The following SAR1B variants were observed in gnomAD, a reference collection of about 807,000 sequenced individuals.
SAR1B encodes small COPII coat GTPase SAR1B.
In SAR1B, 23 loss-of-function variants were observed where a neutral mutation model predicts 26.8. The observed-to-expected ratio is 0.86, with a 90% CI of 0.62 to 1.22. The LOEUF is 1.22. Among genes scored for constraint, SAR1B ranks in the 50% most tolerant of loss-of-function variants. The pLI is 0.00. For missense variants in SAR1B, 196 were observed against 232.8 expected, an observed-to-expected ratio of 0.84 and a Z score of 1.03; for synonymous variants, 65 against 80.8, an observed-to-expected ratio of 0.80 and a Z score of 1.05.
At chr5:134,622,919 C>T (rs1333195432) in intron 2 of SAR1B, among the ~76,000 whole-genome samples, 3 of 147,534 alleles carry the variant, frequency 2.0e-5, no homozygotes, top group Non-Finnish European at 4.5e-5. Context: ...GTCAGGAGTT[C>T]GAGACCAGAT....
intron 2 of SAR1B, among the ~76,000 whole-genome samples, chr5:134,622,299 A>G (rs1194965400): frequency 6.6e-6 from 1 of 152,144 alleles, no homozygotes; most frequent in Non-Finnish European, 1.5e-5. Context: ...TGTCACTACT[A>G]TGAGTGTCAC....
At chr5:134,630,027 C>A (rs1440592087) in intron 1 of SAR1B, among the ~76,000 whole-genome samples, 1 of 152,050 alleles carries the variant, frequency 6.6e-6, no homozygotes, top group East Asian at 1.9e-4. Context: ...CTTTAGGAGG[C>A]CAAGGCAGGC....
intron 1 of SAR1B, among the ~76,000 whole-genome samples, chr5:134,628,607 G>C (rs1765539868): frequency 6.6e-6 from 1 of 151,982 alleles, no homozygotes; most frequent in Non-Finnish European, 1.5e-5. Context: ...CCTGAGACCA[G>C]GAGTTAAAGA....
At chr5:134,615,115 G>A (rs1052524075) in intron 3 of SAR1B, among the ~76,000 whole-genome samples, 6 of 152,132 alleles carry the variant, frequency 3.9e-5, no homozygotes, top group Non-Finnish European at 8.8e-5. Flanking sequence ...TTGGGAGGCC[G>A]AGATGGGCAG....
At chr5:134,611,573 T>G (rs550026260) in intron 4 of SAR1B, among the ~76,000 whole-genome samples, 1 of 152,010 alleles carries the variant, frequency 6.6e-6, no homozygotes, top group Non-Finnish European at 1.5e-5. Flanking sequence ...AAATTTTTTT[T>G]AATTAAAACA....
In SAR1B at chr5:134,612,571, GGAGGCA is replaced by G. The variant is rs371985290; in HGVS notation, c.244+114_244+119del. 2.1e-3 allele frequency: 2,045 copies of G among 983,990 alleles called. 9 individuals are homozygous for G. Among genetic ancestry groups the G allele is most frequent in the Non-Finnish European group, 1.7e-3 (1,189 of 705,142 alleles). 61.0% of individuals were successfully genotyped at this position (983,990 alleles called of 1,614,324 possible). Reference sequence around the variant, plus strand: ...GAGGCATGAGGATTGCTTGAACCCAGGAGGCAGAGGTTGCAGTGAGCTGAGATTGCA... The same window carrying G: ...GAGGCATGAGGATTGCTTGAACCCAGGAGGTTGCAGTGAGCTGAGATTGCA... On this transcript the variant is annotated intron_variant, in intron 4 of 6. Coordinates refer to ENST00000402673, the MANE Select transcript of SAR1B (RefSeq NM_016103.4).
intron 3 of SAR1B, among the ~76,000 whole-genome samples, chr5:134,615,208 T>C (rs1039698567): frequency 6.6e-6 from 1 of 151,008 alleles, no homozygotes; most frequent in Admixed American, 6.6e-5. Flanking sequence ...ATTAGCTGGG[T>C]GCAGCGGCAG....
chr5:134,619,939 C>A (rs1765377324), intron 3 of SAR1B, among the ~76,000 whole-genome samples: 1 of 151,886 alleles, frequency 6.6e-6, no homozygotes, highest in African/African-American at 2.4e-5. Context: ...TATGATCATA[C>A]CACGGCACTC....
At chr5:134,628,459 A>G (rs1486888396) in intron 1 of SAR1B, among the ~76,000 whole-genome samples, 1 of 152,122 alleles carries the variant, frequency 6.6e-6, no homozygotes, top group South Asian at 2.1e-4. Flanking sequence ...CAATGCACTA[A>G]TAACTTTGGG....
intron 3 of SAR1B, among the ~76,000 whole-genome samples, chr5:134,616,389 A>G (rs1463717667): frequency 6.6e-6 from 1 of 150,508 alleles, no homozygotes; most frequent in East Asian, 2.0e-4. Context: ...GTGAGCTGAG[A>G]TCATACCATT....
At chr5:134,623,891 G>T in intron 2 of SAR1B, 71 bp downstream of exon 2, 1 of 1,023,034 alleles carries the variant, frequency 9.8e-7, no homozygotes, top group South Asian at 1.3e-5. Flanking sequence ...AAAGAGACTT[G>T]ACACAGATAA....
intron 3 of SAR1B, among the ~76,000 whole-genome samples, chr5:134,616,150 A>AT (rs1244619895): frequency 2.0e-3 from 307 of 150,820 alleles, no homozygotes; most frequent in African/African-American, 6.4e-3. Context: ...AAAAAAAAAA[A>AT]AGGGCAGGGC....
intron 3 of SAR1B, among the ~76,000 whole-genome samples, chr5:134,619,872 C>T (rs186081292): frequency 6.6e-6 from 1 of 152,190 alleles, no homozygotes; most frequent in African/African-American, 2.4e-5. Flanking sequence ...TTAATCCCAA[C>T]ACTTTGGGAG....
At position 134,612,678 on chromosome 5, in the gene SAR1B, A is replaced by AAAAT; in HGVS notation, c.244+12_244+13insATTT. 5.0e-6 allele frequency: 5 copies of AAAAT among 1,000,232 alleles called. No individual in the cohort carries two copies. Among genetic ancestry groups the AAAAT allele is most frequent in the Non-Finnish European group, 7.0e-6 (5 of 716,896 alleles). The allele number at this position is 1,000,232 out of a possible 1,614,324, so 62.0% of individuals were successfully genotyped here. On this transcript the variant is annotated intron_variant, in intron 4 of 6. Coordinates refer to ENST00000402673, the MANE Select transcript of SAR1B (RefSeq NM_016103.4). ...AAAAAAAAAAAAAAAAAAAAAAAAA[A>AAAAT]AAAGAATCTTACCTTGAACATGTCC...
rs1020481516 is a variant in SAR1B at position 134,603,177 on chromosome 5, T to C, written c.*3773A>G. ...GAATTTTGAGAGATTTCCCCTTATG[T>C]AGCTATTCTCAGTGCACTCTGGTCA... On this transcript the variant is annotated 3_prime_UTR_variant, in exon 7 of 7. Transcript: ENST00000402673. The C allele has an allele frequency of 5.3e-5, 8 of 152,240 alleles. No individual in the cohort carries two copies. Among genetic ancestry groups the C allele is most frequent in the African/African-American group, 1.4e-4 (6 of 41,472 alleles). 9.4% of individuals were successfully genotyped at this position (152,240 alleles called of 1,614,324 possible). A position where few individuals can be genotyped will look rare whatever the true frequency, so the allele number is the denominator to read the frequency against.
chr5:134,618,874 T>G (rs1273619824), intron 3 of SAR1B, among the ~76,000 whole-genome samples: 1 of 151,814 alleles, frequency 6.6e-6, no homozygotes, highest in Non-Finnish European at 1.5e-5. Flanking sequence ...AGCACATGCC[T>G]GTAATCCCAG....
chr5:134,615,775 C>G (rs1765302275), intron 3 of SAR1B, among the ~76,000 whole-genome samples: 2 of 152,106 alleles, frequency 1.3e-5, no homozygotes, highest in Non-Finnish European at 2.9e-5. Context: ...CGAGATTGCA[C>G]CACTGCACTC....
intron 2 of SAR1B, among the ~76,000 whole-genome samples, chr5:134,622,604 G>T (rs1349903092): frequency 6.6e-6 from 1 of 150,754 alleles, no homozygotes; most frequent in Non-Finnish European, 1.5e-5. Context: ...TAGAGACGGG[G>T]TTTCACCGTG....
rs752398983 is a variant in SAR1B, at chr5:134,605,575, C to A, written c.*1375G>T. 7 of 144,218 alleles carry A rather than the reference C, an allele frequency of 4.9e-5. No homozygotes were observed. The highest frequency in any genetic ancestry group is 1.1e-4 in the Non-Finnish European group (7 of 66,508). 8.9% of individuals were successfully genotyped at this position (144,218 alleles called of 1,614,324 possible). On this transcript the variant is annotated 3_prime_UTR_variant, in exon 7 of 7. Coordinates refer to ENST00000402673, the MANE Select transcript of SAR1B (RefSeq NM_016103.4). Reference sequence around the variant, plus strand: ...ATCCCAGAACTTTGGGAGGCCAAGGCGGGCAGATCACTTGAGGTCAGGAGT... The same window carrying A: ...ATCCCAGAACTTTGGGAGGCCAAGGAGGGCAGATCACTTGAGGTCAGGAGT...
Sources: allele counts gnomAD v4.1 joint callset (sites outside exome capture counted in the v4.1 genomes callset), GRCh38; gene constraint gnomAD v4.1.1; transcripts MANE v1.5; gene names NCBI Gene and HGNC (gene_info 2026-07-23, HGNC 2026-07-21).